KCNH7: variants seen among roughly 807,000 people sequenced by gnomAD.
KCNH7 encodes the protein voltage-gated inwardly rectifying potassium channel KCNH7.
In KCNH7, 49 loss-of-function variants were observed where a neutral mutation model predicts 120.8. The ratio of observed to expected loss-of-function variants is 0.41; its 90% CI spans 0.32 to 0.51. The LOEUF (loss-of-function observed/expected upper bound fraction) is 0.51, where lower values mean the gene tolerates loss of function less well. Among genes scored for constraint, KCNH7 ranks in the 20% least tolerant of loss-of-function variants. The pLI, the probability that KCNH7 is intolerant of heterozygous loss-of-function variation, is 0.38. For missense variants in KCNH7, 1,097 were observed against 1,446.6 expected (o/e 0.76, Z 3.92); for synonymous variants, 547 against 516.1 (o/e 1.06, Z -0.81).
intron 6 of KCNH7, among the ~76,000 whole-genome samples, chr2:162,478,900 A>T (rs887636702): frequency 2.0e-5 from 3 of 152,122 alleles, no homozygotes; most frequent in Admixed American, 6.5e-5. Context: ...GAGCAGGTTA[A>T]ACTCCAGAAC....
chr2:162,507,534 T>C (rs1047297957), intron 5 of KCNH7, among the ~76,000 whole-genome samples: 5 of 151,620 alleles, frequency 3.3e-5, no homozygotes, highest in Non-Finnish European at 7.4e-5. Context: ...TCAATTGCCA[T>C]TTCATTTTCC....
intron 2 of KCNH7, among the ~76,000 whole-genome samples, chr2:162,555,612 C>T (rs985406277): frequency 5.2e-4 from 79 of 152,196 alleles, no homozygotes; most frequent in African/African-American, 1.8e-3. Flanking sequence ...TTGTGACAAG[C>T]TTAGTATTAA....
intron 2 of KCNH7, among the ~76,000 whole-genome samples, chr2:162,613,297 TAGAA>T (rs1441011184): frequency 1.3e-5 from 2 of 152,094 alleles, no homozygotes; most frequent in South Asian, 2.1e-4. Flanking sequence ...ATAGCATCAA[TAGAA>T]GTCAGGAGAC....
intron 2 of KCNH7, among the ~76,000 whole-genome samples, chr2:162,827,129 A>T (rs926463932): frequency 2.0e-5 from 3 of 152,238 alleles, no homozygotes; most frequent in East Asian, 1.9e-4. Flanking sequence ...TTGGCTCAAG[A>T]TGTAGAAAAT....
chr2:162,483,804 A>C (rs1415725859), intron 6 of KCNH7, among the ~76,000 whole-genome samples: 1 of 152,196 alleles, frequency 6.6e-6, no homozygotes, highest in Non-Finnish European at 1.5e-5. Flanking sequence ...ACTAGTTATG[A>C]AAACTCACTT....
intron 2 of KCNH7, among the ~76,000 whole-genome samples, chr2:162,660,459 T>C (rs1684919471): frequency 6.6e-6 from 1 of 152,194 alleles, no homozygotes; most frequent in Non-Finnish European, 1.5e-5. Flanking sequence ...AATTTCTTTG[T>C]GGTCTGAGAG....
In KCNH7 at chr2:162,540,555, G is replaced by A. The variant is rs534370521; in HGVS notation, c.308-3475C>T. ...AAGGCGTTTTATTGTACTGTGTGTG[G>A]TTTGTGTTCACAGGGCATCTTATGT... On this transcript the variant is annotated intron_variant, in intron 2 of 15. Transcript: ENST00000332142. Among the ~76,000 whole-genome samples the A allele has an allele frequency of 2.0e-5, 3 of 152,206 alleles. No homozygotes were observed. In the East Asian group the frequency reaches 5.8e-4, roughly 29 times the overall value.
At chr2:162,589,547 T>C (rs1340753008) in intron 2 of KCNH7, among the ~76,000 whole-genome samples, 2 of 152,062 alleles carry the variant, frequency 1.3e-5, no homozygotes, top group African/African-American at 2.4e-5. Context: ...GTGCATTTTG[T>C]AGAGCACAAA....
At chr2:162,490,358 C>T (rs1690252942) in intron 6 of KCNH7, among the ~76,000 whole-genome samples, 1 of 152,234 alleles carries the variant, frequency 6.6e-6, no homozygotes, top group African/African-American at 2.4e-5. Context: ...CAGGAACCTA[C>T]TTTCAGGATT....
At chr2:162,642,837 C>T (rs565115256) in intron 2 of KCNH7, among the ~76,000 whole-genome samples, 32 of 152,272 alleles carry the variant, frequency 2.1e-4, no homozygotes, top group African/African-American at 7.7e-4. Context: ...GGAGGAAGCA[C>T]TAAGTAACCA....
intron 13 of KCNH7, among the ~76,000 whole-genome samples, chr2:162,382,104 C>G (rs987151869): frequency 6.6e-6 from 1 of 151,934 alleles, no homozygotes; most frequent in Non-Finnish European, 1.5e-5. Flanking sequence ...GAATTTCTGC[C>G]TATGTTTAAC....
intron 2 of KCNH7, among the ~76,000 whole-genome samples, chr2:162,541,005 G>A (rs1692284637): frequency 6.6e-6 from 1 of 152,074 alleles, no homozygotes; most frequent in Non-Finnish European, 1.5e-5. Flanking sequence ...ATAAGATAAT[G>A]AGAGGTGTCC....
intron 2 of KCNH7, among the ~76,000 whole-genome samples, chr2:162,661,133 G>A (rs1320782528): frequency 6.6e-6 from 1 of 152,116 alleles, no homozygotes; most frequent in African/African-American, 2.4e-5. Flanking sequence ...ACAATATTAC[G>A]ATTCCAGTGC....
intron 2 of KCNH7, among the ~76,000 whole-genome samples, chr2:162,560,970 T>TC (rs1693042362): frequency 6.6e-6 from 1 of 152,160 alleles, no homozygotes; most frequent in Admixed American, 6.5e-5. Flanking sequence ...CACAAGGGTG[T>TC]CTGATGTCAA....
intron 6 of KCNH7, among the ~76,000 whole-genome samples, chr2:162,456,474 T>A (rs1442867741): frequency 1.3e-5 from 2 of 152,160 alleles, no homozygotes; most frequent in Non-Finnish European, 1.5e-5. Flanking sequence ...GAGAAGAATG[T>A]ATATTCTACT....
chr2:162,534,360 G>A lies in KCNH7; in HGVS notation c.463+2565C>T, dbSNP rs900819739. Among the ~76,000 whole-genome samples the A allele has an allele frequency of 1.4e-4, 21 of 151,270 alleles. No individual in the cohort carries two copies. In the East Asian group the frequency reaches 3.7e-3, roughly 27 times the overall value. ...TTAAGTCTTTGGGAAAAAAGCTACT[G>A]ATTAATCAACAATTTTAAATGGAGA... On this transcript the variant is annotated intron_variant, in intron 3 of 15. Transcript: ENST00000332142.
chr2:162,606,507 G>T (rs1017349092), intron 2 of KCNH7, among the ~76,000 whole-genome samples: 1 of 152,030 alleles, frequency 6.6e-6, no homozygotes, highest in Non-Finnish European at 1.5e-5. Context: ...TATTCAACTC[G>T]CTGTTTTAAA....
At chr2:162,610,198 A>C (rs1682920159) in intron 2 of KCNH7, among the ~76,000 whole-genome samples, 2 of 152,202 alleles carry the variant, frequency 1.3e-5, no homozygotes, top group African/African-American at 2.4e-5. Flanking sequence ...TTTTTGAAAA[A>C]GTACATTATA....
chr2:162,387,660 G>A (rs573126591), intron 12 of KCNH7, among the ~76,000 whole-genome samples: 2 of 151,432 alleles, frequency 1.3e-5, no homozygotes, highest in East Asian at 1.9e-4. Flanking sequence ...TTTCTCCCTT[G>A]TTTCTTTAGG....
Sources: gnomAD v4.1 joint callset for allele counts (sites outside exome capture counted in the v4.1 genomes callset) on GRCh38, gnomAD v4.1.1 for gene constraint, MANE v1.5 for transcripts, NCBI Gene and HGNC (gene_info 2026-07-23, HGNC 2026-07-21) for gene names.